Variants in PRDM5 observed in about 807,000 individuals in gnomAD.
PRDM5 encodes PR domain zinc finger protein 5.
Under a neutral mutation model 81.2 loss-of-function variants are expected in PRDM5, and 56 were observed. The ratio of observed to expected loss-of-function variants is 0.69; its 90% CI spans 0.56 to 0.86. PRDM5 has a LOEUF of 0.86. Among genes scored for constraint, PRDM5 ranks in the 40% least tolerant of loss-of-function variants. The probability of loss-of-function intolerance (pLI) is 0.00; values close to 1 mark genes in which losing one functional copy is unlikely to be tolerated. For synonymous variants in PRDM5, 267 were observed against 256.4 expected (o/e 1.04, Z -0.39); for missense variants, 697 against 770.1 (o/e 0.91, Z 1.12).
chr4:120,758,813 T>C (rs1378166993), intron 13 of PRDM5, among the ~76,000 whole-genome samples: 1 of 151,806 alleles, frequency 6.6e-6, no homozygotes, highest in Non-Finnish European at 1.5e-5. Flanking sequence ...TGGAGTGCAG[T>C]GGCGCGATCT....
chr4:120,734,551 G>A (rs577063824), intron 14 of PRDM5, among the ~76,000 whole-genome samples: 1 of 152,260 alleles, frequency 6.6e-6, no homozygotes, highest in South Asian at 2.1e-4. Context: ...ATGGTTATAT[G>A]TATCATAAAA....
chr4:120,761,929 AATT>A (rs1255857297), intron 13 of PRDM5, among the ~76,000 whole-genome samples: 3 of 152,106 alleles, frequency 2.0e-5, no homozygotes, highest in Non-Finnish European at 4.4e-5. Flanking sequence ...GAAGATGATA[AATT>A]ATGTGTCATG....
At chr4:120,917,420 TTTTTC>T (rs1724311673) in intron 1 of PRDM5, among the ~76,000 whole-genome samples, 1 of 152,078 alleles carries the variant, frequency 6.6e-6, no homozygotes, top group Admixed American at 6.6e-5. Context: ...TACCTAGCTC[TTTTTC>T]TTTTTTCTAT....
In PRDM5 at chr4:120,811,404, C is replaced by T; in HGVS notation, c.911G>A (p.Cys304Tyr). 3 of 1,602,674 alleles carry T rather than the reference C, an allele frequency of 1.9e-6. No individual in the cohort carries two copies. The highest frequency in any genetic ancestry group is 2.6e-6 in the Non-Finnish European group (3 of 1,171,896). Reference protein sequence around the residue: ...KLICSVCNKKCSSASSLQEHR... With the variant: ...KLICSVCNKKYSSASSLQEHR... ...TTCCTGTAGGCTTGATGCTGAAGAA[C>T]ACTTTTTATTGCACACTGAACATAT... Residue 304 changes from cysteine to tyrosine, a missense_variant, in exon 8 of 16, where the codon TGT becomes TAT. Transcript: ENST00000264808.
intron 13 of PRDM5, among the ~76,000 whole-genome samples, chr4:120,759,908 T>C (rs1745346440): frequency 6.6e-6 from 1 of 152,218 alleles, no homozygotes; most frequent in African/African-American, 2.4e-5. Flanking sequence ...AGCTAAAATG[T>C]ATAGAGTCTA....
At position 120,891,047 on chromosome 4, in the gene PRDM5, AG is replaced by A. The variant is rs1220701915; in HGVS notation, c.177+16426del. On this transcript the variant is annotated intron_variant, in intron 2 of 15. Coordinates refer to ENST00000264808, the MANE Select transcript of PRDM5 (RefSeq NM_018699.4). ...ACATCTTCATCATAAAGTCTTTGACAGGGCCTATGTCCAGAATGAAATTTCC... is the reference window on the plus strand; with the variant it reads ...ACATCTTCATCATAAAGTCTTTGACAGGCCTATGTCCAGAATGAAATTTCC... Among the ~76,000 whole-genome samples the A allele has an allele frequency of 2.0e-5, 3 of 152,204 alleles. No individual in the cohort carries two copies. The South Asian group carries it at 6.2e-4, about 32-fold the overall frequency.
chr4:120,839,981 G>T (rs1463192120), intron 3 of PRDM5, among the ~76,000 whole-genome samples: 1 of 152,242 alleles, frequency 6.6e-6, no homozygotes, highest in Non-Finnish European at 1.5e-5. Flanking sequence ...GCCCCACATT[G>T]CTCTGAGATC....
intron 15 of PRDM5, 129 bp from the exon 16 acceptor site, chr4:120,695,404 G>C: frequency 3.0e-6 from 3 of 1,013,680 alleles, no homozygotes; most frequent in Non-Finnish European, 1.5e-6. Flanking sequence ...CTTTGTACCC[G>C]AGTCACCCTT....
chr4:120,875,261 A>T (rs2053875), intron 2 of PRDM5, among the ~76,000 whole-genome samples: 47,233 of 152,196 alleles, frequency 0.31, 7,641 homozygotes, highest in East Asian at 0.53. Context: ...AATACAGATT[A>T]AAACAAAGAC....
At chr4:120,701,232 T>A (rs533276371) in intron 15 of PRDM5, among the ~76,000 whole-genome samples, 1 of 146,170 alleles carries the variant, frequency 6.8e-6, no homozygotes, top group African/African-American at 2.5e-5. Flanking sequence ...TTGGAGGGAA[T>A]GTAAATTAGT....
At chr4:120,767,650 C>T (rs4833673) in intron 13 of PRDM5, among the ~76,000 whole-genome samples, 117,210 of 152,152 alleles carry the variant, frequency 0.77, 45,421 homozygotes, top group East Asian at 0.87. Flanking sequence ...GTAAATATAA[C>T]TTAATCATTA....
intron 2 of PRDM5, among the ~76,000 whole-genome samples, chr4:120,890,588 G>A (rs1403229014): frequency 1.3e-5 from 2 of 152,314 alleles, no homozygotes; most frequent in East Asian, 1.9e-4. Context: ...TCCACCAGCA[G>A]TGTATAAGAA....
chr4:120,733,642 C>G (rs2149089760), intron 14 of PRDM5, among the ~76,000 whole-genome samples: 1 of 152,290 alleles, frequency 6.6e-6, no homozygotes, highest in Non-Finnish European at 1.5e-5. Flanking sequence ...CAGCTTCCCA[C>G]TCCCCTTCTG....
chr4:120,801,353 G>C (rs1247383635), intron 8 of PRDM5, among the ~76,000 whole-genome samples: 5 of 152,204 alleles, frequency 3.3e-5, no homozygotes, highest in Admixed American at 6.5e-5. Context: ...GCCATAGAAG[G>C]CTTCAAGGCA....
At chr4:120,784,863 G>T in intron 11 of PRDM5, 135 bp downstream of exon 11, 1 of 556,156 alleles carries the variant, frequency 1.8e-6, no homozygotes, top group Non-Finnish European at 3.0e-6. Flanking sequence ...CAGAATTTTC[G>T]GTCTTTCTTA....
intron 13 of PRDM5, among the ~76,000 whole-genome samples, chr4:120,755,525 G>GTATGTTCTT (rs1378138007): frequency 6.6e-5 from 10 of 151,238 alleles, no homozygotes; most frequent in African/African-American, 2.4e-4. Flanking sequence ...TCAGAGCCAG[G>GTATGTTCTT]CCTTCTGACT....
intron 7 of PRDM5, 135 bp from the exon 8 acceptor site, chr4:120,811,584 AT>A (rs1379931186): frequency 3.8e-6 from 2 of 531,822 alleles, no homozygotes; most frequent in Non-Finnish European, 6.6e-6. Flanking sequence ...AGATATATTC[AT>A]TAAACTTAAA....
At chr4:120,740,753 T>A (rs1380794882) in intron 14 of PRDM5, among the ~76,000 whole-genome samples, 2 of 152,322 alleles carry the variant, frequency 1.3e-5, no homozygotes, top group African/African-American at 2.4e-5. Flanking sequence ...CTTCCTTCAA[T>A]TCTTGCTGGA....
intron 10 of PRDM5, among the ~76,000 whole-genome samples, chr4:120,788,637 C>T (rs1470674067): frequency 6.6e-6 from 1 of 152,186 alleles, no homozygotes; most frequent in Non-Finnish European, 1.5e-5. Flanking sequence ...TGGGACATAA[C>T]ATGACTTAAG....
Sources: gnomAD v4.1 joint callset for allele counts (sites outside exome capture counted in the v4.1 genomes callset) on GRCh38, gnomAD v4.1.1 for gene constraint, MANE v1.5 for transcripts, NCBI Gene and HGNC (gene_info 2026-07-23, HGNC 2026-07-21) for gene names.